MARCHF1: variants seen among roughly 807,000 people sequenced by gnomAD.
The protein encoded by MARCHF1 is E3 ubiquitin-protein ligase MARCHF1.
MARCHF1 carries 40 observed loss-of-function variants against 54.2 expected under a neutral mutation model. The ratio of observed to expected loss-of-function variants is 0.74; its 90% CI spans 0.57 to 0.96. MARCHF1 has a LOEUF of 0.96. Among genes scored for constraint, MARCHF1 ranks in the 40% least tolerant of loss-of-function variants. The pLI, the probability that MARCHF1 is intolerant of heterozygous loss-of-function variation, is 0.00. For missense variants in MARCHF1, 586 were observed against 656.5 expected, an observed-to-expected ratio of 0.89 and a Z score of 1.17; for synonymous variants, 236 against 236.3, an observed-to-expected ratio of 1.00 and a Z score of 0.01.
chr4:164,218,242 T>A (rs1731988289), intron 1 of MARCHF1, among the ~76,000 whole-genome samples: 1 of 152,134 alleles, frequency 6.6e-6, no homozygotes. Flanking sequence ...TAGCAGAAAA[T>A]TACTTTTCTA....
chr4:164,197,899 C>T (rs1011655434), intron 1 of MARCHF1, among the ~76,000 whole-genome samples: 1 of 152,054 alleles, frequency 6.6e-6, no homozygotes, highest in Non-Finnish European at 1.5e-5. Flanking sequence ...AACAATTATT[C>T]AAGTATATGG....
intron 5 of MARCHF1, among the ~76,000 whole-genome samples, chr4:163,681,494 T>C (rs188962525): frequency 1.3e-5 from 2 of 152,260 alleles, no homozygotes; most frequent in African/African-American, 4.8e-5. Flanking sequence ...ATAATCCCCA[T>C]ATGTCATGGG....
At chr4:164,052,809 T>C (rs1224615108) in intron 2 of MARCHF1, among the ~76,000 whole-genome samples, 2 of 152,092 alleles carry the variant, frequency 1.3e-5, no homozygotes, top group African/African-American at 2.4e-5. Context: ...TTAGAAATCA[T>C]AGTGATACTA....
intron 1 of MARCHF1, among the ~76,000 whole-genome samples, chr4:164,358,338 T>C (rs1000928061): frequency 2.6e-5 from 4 of 152,100 alleles, no homozygotes; most frequent in African/African-American, 9.7e-5. Flanking sequence ...ATAAATGCTA[T>C]AAAGAAAGTC....
intron 5 of MARCHF1, among the ~76,000 whole-genome samples, chr4:163,700,419 C>G (rs1003108315): frequency 6.6e-6 from 1 of 151,766 alleles, no homozygotes; most frequent in East Asian, 1.9e-4. Flanking sequence ...GCAGGAGAAT[C>G]GCTTGAACCC....
intron 2 of MARCHF1, among the ~76,000 whole-genome samples, chr4:164,007,207 G>A (rs1306052964): frequency 8.7e-5 from 13 of 150,160 alleles, no homozygotes; most frequent in African/African-American, 2.0e-4. Flanking sequence ...TTAGCCGGGC[G>A]TGGTGGCAGG....
intron 3 of MARCHF1, among the ~76,000 whole-genome samples, chr4:163,904,000 G>C (rs1216522116): frequency 6.6e-6 from 1 of 152,290 alleles, no homozygotes; most frequent in East Asian, 1.9e-4. Context: ...CTTAAAACAA[G>C]TTGGTTCTAT....
rs1395462980 is a variant in MARCHF1 at position 163,526,097 on chromosome 4, T to C, written c.*2651A>G. The C allele has an allele frequency of 6.6e-6, 1 of 152,120 alleles. No homozygotes were observed. The highest frequency in any genetic ancestry group is 6.6e-5 in the Admixed American group (1 of 15,250). 9.4% of individuals were successfully genotyped at this position (152,120 alleles called of 1,614,324 possible). ...TTATATTATTTTCTCATTTCAACAA[T>C]GTCCAAGCCCATAAAAGTTAATTGC... On this transcript the variant is annotated 3_prime_UTR_variant, in exon 10 of 10. Coordinates refer to ENST00000514618, the MANE Select transcript of MARCHF1 (RefSeq NM_001394959.1).
chr4:163,907,381 G>T (rs1751093429), intron 3 of MARCHF1, among the ~76,000 whole-genome samples: 1 of 151,988 alleles, frequency 6.6e-6, no homozygotes, highest in Non-Finnish European at 1.5e-5. Context: ...CAAATGAGTT[G>T]CAAAGAGTAG....
chr4:164,376,161 C>A (rs866989370), intron 1 of MARCHF1, among the ~76,000 whole-genome samples: 5 of 152,112 alleles, frequency 3.3e-5, no homozygotes, highest in South Asian at 2.1e-4. Context: ...CTGCCAATAA[C>A]TACATATTAA....
At chr4:164,138,866 A>G (rs1756459572) in intron 1 of MARCHF1, among the ~76,000 whole-genome samples, 1 of 152,162 alleles carries the variant, frequency 6.6e-6, no homozygotes, top group African/African-American at 2.4e-5. Flanking sequence ...ATGGCTAACA[A>G]TTTGATTTTG....
At chr4:163,859,396 C>T (rs888784862) in intron 3 of MARCHF1, among the ~76,000 whole-genome samples, 4 of 144,048 alleles carry the variant, frequency 2.8e-5, no homozygotes, top group Non-Finnish European at 6.0e-5. Flanking sequence ...ATGGAGTTCT[C>T]GTTCCCCAGG....
chr4:164,193,852 A>T (rs971790863), intron 1 of MARCHF1, among the ~76,000 whole-genome samples: 1 of 152,198 alleles, frequency 6.6e-6, no homozygotes, highest in African/African-American at 2.4e-5. Flanking sequence ...GTAATAAACA[A>T]GCTGTCTCTA....
At chr4:163,932,250 C>T (rs987057843) in intron 3 of MARCHF1, among the ~76,000 whole-genome samples, 7 of 152,000 alleles carry the variant, frequency 4.6e-5, no homozygotes, top group African/African-American at 1.5e-4. Flanking sequence ...GGTGTATGTG[C>T]CAATTACTTG....
intron 1 of MARCHF1, among the ~76,000 whole-genome samples, chr4:164,141,092 G>T (rs1164681227): frequency 6.6e-6 from 1 of 152,166 alleles, no homozygotes; most frequent in Non-Finnish European, 1.5e-5. Flanking sequence ...ATCACTTGCT[G>T]ACTTTATCTT....
At chr4:163,643,777 A>G (rs939242917) in intron 5 of MARCHF1, among the ~76,000 whole-genome samples, 1 of 152,178 alleles carries the variant, frequency 6.6e-6, no homozygotes, top group Non-Finnish European at 1.5e-5. Context: ...TTATTTGAGG[A>G]GGAAAGATAA....
chr4:164,099,572 G>C (rs1191258607), intron 2 of MARCHF1, among the ~76,000 whole-genome samples: 1 of 152,054 alleles, frequency 6.6e-6, no homozygotes, highest in Middle Eastern at 3.2e-3. Flanking sequence ...ATATTAGAAA[G>C]CAATGAAGCA....
At chr4:164,321,619 G>A (rs1735145238) in intron 1 of MARCHF1, among the ~76,000 whole-genome samples, 1 of 152,018 alleles carries the variant, frequency 6.6e-6, no homozygotes, top group African/African-American at 2.4e-5. Flanking sequence ...TGAAATTCAA[G>A]GACTGCAACC....
intron 8 of MARCHF1, among the ~76,000 whole-genome samples, chr4:163,552,002 T>G (rs1415445955): frequency 6.6e-6 from 1 of 152,206 alleles, no homozygotes; most frequent in Non-Finnish European, 1.5e-5. Flanking sequence ...ATGAAGGCTT[T>G]CTTACTAAGA....
Sources: allele counts gnomAD v4.1 joint callset (sites outside exome capture counted in the v4.1 genomes callset), GRCh38; gene constraint gnomAD v4.1.1; transcripts MANE v1.5; gene names NCBI Gene and HGNC (gene_info 2026-07-23, HGNC 2026-07-21).